Variants in GRAMD1A observed in about 807,000 individuals in gnomAD.
The protein encoded by GRAMD1A is protein Aster-A.
Under a neutral mutation model 92.0 loss-of-function variants are expected in GRAMD1A, and 50 were observed. That is an observed-to-expected ratio of 0.54 (90% CI 0.43 to 0.69). GRAMD1A has a LOEUF of 0.69. Among genes scored for constraint, GRAMD1A ranks in the 30% least tolerant of loss-of-function variants. The pLI is 0.00. For missense variants in GRAMD1A, 819 were observed against 978.9 expected (o/e 0.84, Z 2.18); for synonymous variants, 405 against 403.6 (o/e 1.00, Z -0.04).
In GRAMD1A at chr19:35,013,714, G is replaced by C. The variant is rs767192306; in HGVS notation, c.870+23G>C. On this transcript the variant is annotated intron_variant, in intron 9 of 19. Coordinates refer to ENST00000317991, the MANE Select transcript of GRAMD1A (RefSeq NM_020895.5). The surrounding 1 kb of genome is among the most constrained non-coding windows in gnomAD (Gnocchi z 4.9). ...GGGGTGAGCGGTGGGTTGGAAGAGG[G>C]GTGGGATACTGATAGGAAGAGAGAG... 2 of 1,592,072 alleles carry C rather than the reference G, an allele frequency of 1.3e-6. No individual in the cohort carries two copies. The highest frequency in any genetic ancestry group is 1.7e-6 in the Non-Finnish European group (2 of 1,166,774).
intron 16 of GRAMD1A, among the ~76,000 whole-genome samples, chr19:35,022,341 G>A (rs1450492915): frequency 6.6e-6 from 1 of 152,312 alleles, no homozygotes. Context: ...GGTGCACAGG[G>A]AGAGGTGTGC....
At chr19:35,025,955 C>T (rs753961915) in intron 19 of GRAMD1A, 94 bp from the exon 20 acceptor site, 66 of 749,180 alleles carry the variant, frequency 8.8e-5, no homozygotes, top group South Asian at 5.4e-4. Context: ...GCCTCTAGAC[C>T]GTCCTCAGTT....
chr19:35,024,651 G>T (rs188879340), intron 19 of GRAMD1A, among the ~76,000 whole-genome samples: 1,623 of 152,226 alleles, frequency 0.011, 20 homozygotes, highest in African/African-American at 0.037. Flanking sequence ...CTCATCTTTA[G>T]GGGTCTCATT....
chr19:35,003,061 G>GGTGTGTGT (rs58809497), intron 1 of GRAMD1A, among the ~76,000 whole-genome samples: 9,721 of 142,208 alleles, frequency 0.068, 426 homozygotes, highest in African/African-American at 0.12. Flanking sequence ...CAATGCTGCA[G>GGTGTGTGT]GTGTGTGTGT....
chr19:35,015,784 G>A, intron 10 of GRAMD1A, 40 bp from the exon 11 acceptor site: 2 of 1,598,182 alleles, frequency 1.3e-6, no homozygotes, highest in Non-Finnish European at 1.7e-6. Flanking sequence ...GGAGGGAGGA[G>A]TGGAGGCAGT....
At chr19:35,003,094 A>G (rs1374980429) in intron 1 of GRAMD1A, among the ~76,000 whole-genome samples, 12 of 81,292 alleles carry the variant, frequency 1.5e-4, no homozygotes, top group Admixed American at 2.3e-4. Flanking sequence ...GTGTGTGTGT[A>G]ATTACTCTGT....
At chr19:35,004,819 A>G (rs1257134258) in intron 1 of GRAMD1A, among the ~76,000 whole-genome samples, 1 of 152,048 alleles carries the variant, frequency 6.6e-6, no homozygotes, top group Non-Finnish European at 1.5e-5. Context: ...GCGTAGTTAA[A>G]CCAGGTGCCC....
chr19:34,998,509 T>C (rs2014137395), upstream of GRAMD1A: 2 of 152,050 alleles, frequency 1.3e-5, no homozygotes, highest in Non-Finnish European at 2.9e-5. Flanking sequence ...TTTCACTCTG[T>C]TGGCCAGGCT....
intron 9 of GRAMD1A, 30 bp from the exon 10 acceptor site, chr19:35,014,159 G>A: frequency 2.5e-6 from 4 of 1,600,016 alleles, no homozygotes; most frequent in Non-Finnish European, 3.4e-6. Flanking sequence ...GATGGAGGTG[G>A]CCAAGGCTGC....
intron 6 of GRAMD1A, 61 bp downstream of exon 6, chr19:35,010,440 A>C: frequency 9.3e-7 from 1 of 1,071,100 alleles, no homozygotes; most frequent in Non-Finnish European, 1.5e-6. Flanking sequence ...GCCTCCCCCA[A>C]ACATGCAAAG....
intron 1 of GRAMD1A, among the ~76,000 whole-genome samples, chr19:35,005,388 C>CTGTGGA (rs983754348): frequency 5.9e-5 from 9 of 151,894 alleles, no homozygotes; most frequent in South Asian, 2.1e-4. Flanking sequence ...TGGGGGAGCC[C>CTGTGGA]TGTGGATGTG....
intron 16 of GRAMD1A, 60 bp downstream of exon 16, chr19:35,022,098 C>A (rs1390031803): frequency 3.9e-6 from 5 of 1,291,860 alleles, no homozygotes; most frequent in Non-Finnish European, 5.5e-6. Context: ...GGCTGTGTGA[C>A]CTTGGGCAAG....
At position 35,013,336 on chromosome 19, in the gene GRAMD1A, C is replaced by T; in HGVS notation, c.687C>T (p.Asp229=). 1 of 1,554,850 alleles carries T rather than the reference C, an allele frequency of 6.4e-7. No homozygotes were observed. The highest frequency in any genetic ancestry group is 1.4e-5 in the African/African-American group (1 of 73,368). The change falls in exon 8 of 20, where the codon GAC becomes GAT. Residue 229 remains aspartate, a synonymous_variant. Coordinates refer to ENST00000317991, the MANE Select transcript of GRAMD1A (RefSeq NM_020895.5). This position sits in a 1 kb window ranked among gnomAD's most constrained non-coding sequence, Gnocchi z 4.9. Reference sequence around the variant, plus strand: ...TGGGCCTCACCAGTGAGGATGAGGACTATGTCTCCCCCTTGCAGCTGAACG... The same window carrying T: ...TGGGCCTCACCAGTGAGGATGAGGATTATGTCTCCCCCTTGCAGCTGAACG... The part of the protein sequence containing the change: ...SELGLTSEDE[D]YVSPLQLNGL...
chr19:35,014,266 A>ACCCCCGAGCACAGAG lies in GRAMD1A; in HGVS notation c.952_966dup (p.Pro318_Pro322dup). ...GCCAGACAGTGACCCCGGTGGCTGA[A>ACCCCCGAGCACAGAG]CCCCCGAGCACAGAGCCCACCCAGC... On this transcript the variant is annotated inframe_insertion, in exon 10 of 20. Coordinates refer to ENST00000317991, the MANE Select transcript of GRAMD1A (RefSeq NM_020895.5). The ACCCCCGAGCACAGAG allele has an allele frequency of 6.2e-7, 1 of 1,613,874 alleles. No individual in the cohort carries two copies. Among genetic ancestry groups the ACCCCCGAGCACAGAG allele is most frequent in the Non-Finnish European group, 8.5e-7 (1 of 1,179,912 alleles).
chr19:35,015,454 G>A (rs954942166), intron 10 of GRAMD1A: 1 of 186,464 alleles, frequency 5.4e-6, no homozygotes, highest in Non-Finnish European at 1.1e-5. Context: ...GCCTGCCCCT[G>A]AACCAATCAC....
intron 6 of GRAMD1A, 91 bp from the exon 7 acceptor site, chr19:35,011,383 G>T: frequency 1.1e-6 from 1 of 898,866 alleles, no homozygotes; most frequent in Non-Finnish European, 1.8e-6. Context: ...CAAAGATGTG[G>T]CGTCAGCGCA....
At position 35,011,396 on chromosome 19, in the gene GRAMD1A, T is replaced by C. The variant is rs1051986378; in HGVS notation, c.526-78T>C. On this transcript the variant is annotated intron_variant, in intron 6 of 19. Transcript: ENST00000317991. ...GCCAAAGATGTGGCGTCAGCGCAGA[T>C]GAGGGTGGCGCTTCCCCACCTCTGT... The C allele has an allele frequency of 8.0e-6, 8 of 1,004,354 alleles. No homozygotes were observed. In the African/African-American group the frequency reaches 1.3e-4, roughly 16 times the overall value. 62.2% of individuals were successfully genotyped at this position (1,004,354 alleles called of 1,614,324 possible). A position where few individuals can be genotyped will look rare whatever the true frequency, so the allele number is the denominator to read the frequency against.
In GRAMD1A at chr19:35,014,172, C is replaced by T. The variant is rs746351225; in HGVS notation, c.871-17C>T. 1.9e-5 allele frequency: 30 copies of T among 1,609,496 alleles called. No homozygotes were observed. Among genetic ancestry groups the T allele is most frequent in the South Asian group, 7.7e-5 (7 of 90,956 alleles). On this transcript the variant is annotated splice_polypyrimidine_tract_variant and intron_variant, in intron 9 of 19. Transcript: ENST00000317991. Reference sequence around the variant, plus strand: ...GGGATGGAGGTGGCCAAGGCTGCATCGGGCCTTTCTCCACAGGCAGAGGAG... The same window carrying T: ...GGGATGGAGGTGGCCAAGGCTGCATTGGGCCTTTCTCCACAGGCAGAGGAG...
chr19:35,020,921 G>A (rs2016004736), intron 13 of GRAMD1A, among the ~76,000 whole-genome samples: 2 of 152,198 alleles, frequency 1.3e-5, no homozygotes, highest in South Asian at 2.1e-4. Context: ...GTGAGGAAAT[G>A]GAGGGGGAAG....
Sources: allele counts gnomAD v4.1 joint callset (sites outside exome capture counted in the v4.1 genomes callset), GRCh38; gene constraint gnomAD v4.1.1; non-coding constraint Gnocchi (gnomAD v3.1); transcripts MANE v1.5; gene names NCBI Gene and HGNC (gene_info 2026-07-23, HGNC 2026-07-21).